RAB35: variants seen among roughly 807,000 people sequenced by gnomAD.
RAB35 encodes the protein RAB35, member RAS oncogene family.
RAB35 carries 4 observed loss-of-function variants against 28.9 expected under a neutral mutation model. That is an observed-to-expected ratio of 0.14 (90% CI 0.07 to 0.32). RAB35 has a LOEUF of 0.32. Among genes scored for constraint, RAB35 ranks in the 10% least tolerant of loss-of-function variants. RAB35 has a pLI of 1.00. For synonymous variants in RAB35, 99 were observed against 105.1 expected (o/e 0.94, Z 0.35); for missense variants, 128 against 274.0 (o/e 0.47, Z 3.76).
rs774849052 is a variant in RAB35 at position 120,103,813 on chromosome 12, C to A, written c.227+13G>T. 2.0e-5 allele frequency: 33 copies of A among 1,613,032 alleles called. No individual in the cohort carries two copies. The highest frequency in any genetic ancestry group is 2.6e-5 in the Non-Finnish European group (31 of 1,179,630). On this transcript the variant is annotated intron_variant, in intron 3 of 5. Coordinates refer to ENST00000229340, the MANE Select transcript of RAB35 (RefSeq NM_006861.7). This position sits in a 1 kb window ranked among gnomAD's most constrained non-coding sequence, Gnocchi z 6.1. ...GTGGCGCGGGTTGGGTGGGAGTGGG[C>A]GTGTGGACTCACGTGGAGGTGATGG...
At chr12:120,114,708 C>A (rs1233661982) in intron 1 of RAB35, among the ~76,000 whole-genome samples, 1 of 152,242 alleles carries the variant, frequency 6.6e-6, no homozygotes, top group Non-Finnish European at 1.5e-5. Flanking sequence ...TTCTCCCACA[C>A]CTGACTTCGG....
rs760926440 is a variant in RAB35, at chr12:120,096,856, T to G, written c.*389A>C. 561 of 1,299,770 alleles carry G rather than the reference T, an allele frequency of 4.3e-4. No individual in the cohort carries two copies. The highest frequency in any genetic ancestry group is 5.0e-4 in the Non-Finnish European group (495 of 995,816). The allele number at this position is 1,299,770 out of a possible 1,614,324, so 80.5% of individuals were successfully genotyped here. ...GGACGCTGCTTGCAGTAAGATGGGC[T>G]GGGGAGGGGCGCGGGGAGGGTCTGT... On this transcript the variant is annotated 3_prime_UTR_variant, in exon 6 of 6. Coordinates refer to ENST00000229340, the MANE Select transcript of RAB35 (RefSeq NM_006861.7).
intron 2 of RAB35, among the ~76,000 whole-genome samples, chr12:120,104,453 C>T (rs955165338): frequency 2.0e-5 from 3 of 152,188 alleles, no homozygotes; most frequent in South Asian, 2.1e-4. Flanking sequence ...TGAGTGGGGG[C>T]GGTCACATGA....
At chr12:120,110,055 G>A (rs528795262) in intron 1 of RAB35, among the ~76,000 whole-genome samples, 2 of 152,164 alleles carry the variant, frequency 1.3e-5, no homozygotes, top group East Asian at 1.9e-4. Flanking sequence ...GTGAGCAGCA[G>A]TAAAGCTGAG....
intron 2 of RAB35, among the ~76,000 whole-genome samples, chr12:120,107,744 A>G (rs1021320185): frequency 2.6e-5 from 4 of 151,462 alleles, no homozygotes; most frequent in African/African-American, 9.7e-5. Flanking sequence ...GCAGGTGCCT[A>G]TAGTCCCAAC....
chr12:120,105,956 G>A (rs926017921), intron 2 of RAB35, among the ~76,000 whole-genome samples: 5 of 150,850 alleles, frequency 3.3e-5, no homozygotes, highest in African/African-American at 1.2e-4. Flanking sequence ...GGGCCCAAAG[G>A]GTCAACAGTG....
chr12:120,101,105 CAG>C (rs946141140), intron 3 of RAB35, among the ~76,000 whole-genome samples: 4 of 152,250 alleles, frequency 2.6e-5, no homozygotes, highest in Non-Finnish European at 5.9e-5. Context: ...GGGATGAAGT[CAG>C]GGGCTCAGAG....
intron 1 of RAB35, among the ~76,000 whole-genome samples, chr12:120,115,253 G>A (rs1340849392): frequency 6.6e-6 from 1 of 152,044 alleles, no homozygotes; most frequent in Non-Finnish European, 1.5e-5. Flanking sequence ...TTAAAAGGGA[G>A]GCCAAAACCA....
At chr12:120,100,893 G>A (rs757933475) in intron 3 of RAB35, among the ~76,000 whole-genome samples, 1 of 152,222 alleles carries the variant, frequency 6.6e-6, no homozygotes, top group African/African-American at 2.4e-5. Context: ...GGAGCCACAG[G>A]AACAGGCGAC....
chr12:120,103,925 A>C lies in RAB35; in HGVS notation c.128T>G (p.Val43Gly). 6.2e-7 allele frequency: 1 copy of C among 1,613,592 alleles called. No individual in the cohort carries two copies. Among genetic ancestry groups the C allele is most frequent in the Non-Finnish European group, 8.5e-7 (1 of 1,179,908 alleles). Residue 43 changes from valine to glycine, a missense_variant, in exon 3 of 6, where the codon GTG becomes GGG. By Grantham distance (109) the Val-to-Gly change is moderately radical. Transcript: ENST00000229340. This position sits in a 1 kb window ranked among gnomAD's most constrained non-coding sequence, Gnocchi z 6.1. ...CTCCACGGTCCGGATCTTGAAATCC[A>C]CTCCGATCGTGGTGATGTAGCTGCC... is the stretch of plus-strand genomic sequence containing the variant. The part of the protein sequence containing the change: ...FSGSYITTIG[V>G]DFKIRTVEIN...
chr12:120,116,159 G>A (rs942222699), intron 1 of RAB35, among the ~76,000 whole-genome samples: 26 of 152,152 alleles, frequency 1.7e-4, no homozygotes, highest in African/African-American at 5.8e-4. Flanking sequence ...ACCGGGTAGG[G>A]CGCTACGCAC....
chr12:120,103,741 T>C lies in RAB35; in HGVS notation c.227+85A>G. Reference sequence around the variant, plus strand: ...CAGCCTCAGGGACCCACCAGTGACATTTCCACCATGACCAGGCACCGGTCG... The same window carrying C: ...CAGCCTCAGGGACCCACCAGTGACACTTCCACCATGACCAGGCACCGGTCG... On this transcript the variant is annotated intron_variant, in intron 3 of 5. Coordinates refer to ENST00000229340, the MANE Select transcript of RAB35 (RefSeq NM_006861.7). The surrounding 1 kb of genome is among the most constrained non-coding windows in gnomAD (Gnocchi z 6.1). The C allele has an allele frequency of 1.9e-6, 3 of 1,559,312 alleles. No homozygotes were observed. Among genetic ancestry groups the C allele is most frequent in the Non-Finnish European group, 2.6e-6 (3 of 1,150,120 alleles).
intron 2 of RAB35, among the ~76,000 whole-genome samples, chr12:120,107,866 C>CAAAAA (rs57274207): frequency 4.1e-4 from 13 of 31,984 alleles, no homozygotes; most frequent in Non-Finnish European, 6.3e-4. Flanking sequence ...GACTCCATCT[C>CAAAAA]AAAAAAAAAA....
intron 1 of RAB35, among the ~76,000 whole-genome samples, chr12:120,114,480 G>C (rs779323963): frequency 5.3e-5 from 8 of 152,218 alleles, no homozygotes; most frequent in Non-Finnish European, 1.0e-4. Context: ...TCTTAAGGAG[G>C]CATTCACACA....
In RAB35 at chr12:120,103,811, G is replaced by A. The variant is rs1413645296; in HGVS notation, c.227+15C>T. On this transcript the variant is annotated intron_variant, in intron 3 of 5. Coordinates refer to ENST00000229340, the MANE Select transcript of RAB35 (RefSeq NM_006861.7). The surrounding 1 kb of genome is among the most constrained non-coding windows in gnomAD (Gnocchi z 6.1). ...CAGTGGCGCGGGTTGGGTGGGAGTG[G>A]GCGTGTGGACTCACGTGGAGGTGAT... is the stretch of plus-strand genomic sequence containing the variant. 3.7e-6 allele frequency: 6 copies of A among 1,613,414 alleles called. No homozygotes were observed. Among genetic ancestry groups the A allele is most frequent in the African/African-American group, 1.3e-5 (1 of 74,890 alleles).
chr12:120,108,842 GA>G (rs1246406796), intron 1 of RAB35: 2 of 393,320 alleles, frequency 5.1e-6, no homozygotes, highest in Admixed American at 7.0e-5. Context: ...ATGGTCCCTA[GA>G]AAAGTGCACA....
At chr12:120,097,966 C>T (rs1345150360) in intron 5 of RAB35, among the ~76,000 whole-genome samples, 1 of 147,868 alleles carries the variant, frequency 6.8e-6, no homozygotes, top group African/African-American at 2.5e-5. Flanking sequence ...TCACTGCAAA[C>T]TCTGCCTCCC....
At chr12:120,110,005 G>A (rs143055866) in intron 1 of RAB35, among the ~76,000 whole-genome samples, 354 of 152,324 alleles carry the variant, frequency 2.3e-3, no homozygotes, top group African/African-American at 7.9e-3. Flanking sequence ...CTCTTGAGAT[G>A]AGGAACCTCA....
At chr12:120,107,230 A>G (rs995455831) in intron 2 of RAB35, among the ~76,000 whole-genome samples, 1 of 150,972 alleles carries the variant, frequency 6.6e-6, no homozygotes, top group Non-Finnish European at 1.5e-5. Context: ...CTCATGATCC[A>G]CCCGCCTCGG....
Sources: gnomAD v4.1 joint callset for allele counts (sites outside exome capture counted in the v4.1 genomes callset) on GRCh38, gnomAD v4.1.1 for gene constraint, Gnocchi (gnomAD v3.1) non-coding constraint, MANE v1.5 for transcripts, NCBI Gene and HGNC (gene_info 2026-07-23, HGNC 2026-07-21) for gene names.